PCCB: variants seen among roughly 807,000 people sequenced by gnomAD.
PCCB encodes the protein propionyl-CoA carboxylase beta chain, mitochondrial.
Under a neutral mutation model 60.7 loss-of-function variants are expected in PCCB, and 43 were observed. The observed-to-expected ratio is 0.71, with a 90% CI of 0.55 to 0.91. PCCB has a LOEUF of 0.91. Among genes scored for constraint, PCCB ranks in the 40% least tolerant of loss-of-function variants. The pLI is 0.00. For synonymous variants in PCCB, 276 were observed against 255.9 expected, an observed-to-expected ratio of 1.08 and a Z score of -0.75; for missense variants, 766 against 702.8, an observed-to-expected ratio of 1.09 and a Z score of -1.02.
At chr3:136,327,526 A>AG in intron 12 of PCCB, 108 bp from the exon 13 acceptor site, 1 of 854,228 alleles carries the variant, frequency 1.2e-6, no homozygotes, top group Non-Finnish European at 2.0e-6. Flanking sequence ...GGAGCCCAGT[A>AG]GGGCTATTCT....
At chr3:136,293,647 A>G in intron 6 of PCCB, 109 bp from the exon 7 acceptor site, 2 of 791,918 alleles carry the variant, frequency 2.5e-6, no homozygotes, top group Non-Finnish European at 4.5e-6. Context: ...ATCCTCATTC[A>G]GCCACGTCAC....
chr3:136,310,483 CG>C (rs1934620766), intron 9 of PCCB, among the ~76,000 whole-genome samples: 4 of 152,286 alleles, frequency 2.6e-5, no homozygotes, highest in Admixed American at 6.5e-5. Flanking sequence ...GTTTGTGCCA[CG>C]GCACTCTACC....
intron 5 of PCCB, among the ~76,000 whole-genome samples, chr3:136,264,440 G>GTGTATGTATA: frequency 8.1e-6 from 1 of 123,782 alleles, no homozygotes. Flanking sequence ...ATGTGTGTGT[G>GTGTATGTATA]TATATATGTA....
chr3:136,273,007 T>TA (rs1942240717), intron 5 of PCCB, among the ~76,000 whole-genome samples: 1 of 152,212 alleles, frequency 6.6e-6, no homozygotes, highest in Non-Finnish European at 1.5e-5. Flanking sequence ...CAGAGGTTTT[T>TA]ATAACTGTGT....
intron 9 of PCCB, among the ~76,000 whole-genome samples, chr3:136,315,766 TG>T (rs1335552322): frequency 6.6e-6 from 1 of 151,802 alleles, no homozygotes; most frequent in African/African-American, 2.4e-5. Flanking sequence ...AGGTTAAGGC[TG>T]CAGTGAGCTG....
intron 9 of PCCB, 89 bp downstream of exon 9, chr3:136,301,200 C>A: frequency 3.0e-6 from 3 of 1,015,558 alleles, no homozygotes; most frequent in Non-Finnish European, 4.7e-6. Flanking sequence ...CACTGGACCA[C>A]TTGGCCTCCA....
intron 7 of PCCB, 144 bp downstream of exon 7, chr3:136,294,008 C>A (rs1933821730): frequency 3.1e-6 from 2 of 646,820 alleles, no homozygotes; most frequent in African/African-American, 1.8e-5. Flanking sequence ...TTGTACTACA[C>A]TACAGTGTAT....
At chr3:136,260,007 C>T in intron 3 of PCCB, 1 of 231,246 alleles carries the variant, frequency 4.3e-6, no homozygotes, top group South Asian at 5.6e-5. Flanking sequence ...CTGCCTTGGC[C>T]TCTCAAAGTC....
chr3:136,293,233 C>T (rs1372715883), intron 6 of PCCB, among the ~76,000 whole-genome samples: 6 of 152,130 alleles, frequency 3.9e-5, no homozygotes, highest in African/African-American at 9.7e-5. Context: ...GAACTCCTGG[C>T]CTGAAGTGAT....
intron 3 of PCCB, among the ~76,000 whole-genome samples, chr3:136,258,322 G>C (rs1941730822): frequency 6.6e-6 from 1 of 152,154 alleles, no homozygotes; most frequent in Non-Finnish European, 1.5e-5. Flanking sequence ...TTTATAGGCA[G>C]AATGGCACAG....
At chr3:136,262,233 A>G (rs576741476) in intron 5 of PCCB, among the ~76,000 whole-genome samples, 168 bp downstream of exon 5, 8 of 152,296 alleles carry the variant, frequency 5.3e-5, no homozygotes, top group African/African-American at 1.9e-4. Context: ...ATGAAAAGCA[A>G]GAGAGAGTGG....
chr3:136,281,582 G>T (rs1277649160), intron 5 of PCCB, among the ~76,000 whole-genome samples: 1 of 152,020 alleles, frequency 6.6e-6, no homozygotes, highest in Non-Finnish European at 1.5e-5. Context: ...CAGTTCATGT[G>T]CCATCTTTGA....
intron 6 of PCCB, among the ~76,000 whole-genome samples, chr3:136,289,789 C>CTTTTTTTTT (rs147625921): frequency 0.14 from 19,544 of 141,166 alleles, 2,347 homozygotes; most frequent in African/African-American, 0.31. Context: ...ACATGTTATA[C>CTTTTTTTTT]TTTTTTTTTA....
Position 136,280,879 on chromosome 3 carries a change from CTT to C in PCCB, c.544-2957_544-2956del, listed in dbSNP as rs1425143100. ...ATATCGTCCAGGCTGGTCTCAAACT[CTT>C]GGCCTCAAGTGGTCCTCCTGCCTCA... On this transcript the variant is annotated intron_variant, in intron 5 of 14. Transcript: ENST00000251654. 2.6e-5 allele frequency among the ~76,000 whole-genome samples: 4 copies of C among 152,194 alleles called. No individual in the cohort carries two copies. In the East Asian group the frequency reaches 7.7e-4, roughly 29 times the overall value.
Position 136,256,602 on chromosome 3 carries a change from A to C in PCCB, c.351A>C (p.Arg117Ser), listed in dbSNP as rs1941676830. The C allele has an allele frequency of 6.2e-7, 1 of 1,612,148 alleles. No homozygotes were observed. Among genetic ancestry groups the C allele is most frequent in the Admixed American group, 1.7e-5 (1 of 59,976 alleles). Residue 117 changes from arginine to serine, a missense_variant, in exon 3 of 15, where the codon AGA (arginine) becomes AGC (serine). Transcript: ENST00000251654. The stretch of plus-strand genomic sequence containing the variant: ...CTGGACGAGGCCGAATCAATGGAAG[A>C]TTGGTTTATGTCTTCAGTCAGGTAT... ...VVTGRGRING[R>S]LVYVFSQDFT...
intron 8 of PCCB, among the ~76,000 whole-genome samples, chr3:136,299,913 T>A (rs145566440): frequency 1.3e-5 from 2 of 152,064 alleles, no homozygotes; most frequent in East Asian, 3.9e-4. Context: ...TGTATGCATG[T>A]ATATGTATGC....
At chr3:136,287,727 C>T (rs889246267) in intron 6 of PCCB, among the ~76,000 whole-genome samples, 2 of 152,276 alleles carry the variant, frequency 1.3e-5, no homozygotes, top group East Asian at 1.9e-4. Context: ...TGAGCCACTG[C>T]GCCCAGTTAT....
At chr3:136,268,093 T>C (rs61381365) in intron 5 of PCCB, among the ~76,000 whole-genome samples, 1 of 85,526 alleles carries the variant, frequency 1.2e-5, no homozygotes, top group Non-Finnish European at 2.1e-5. Flanking sequence ...TGTAGATATA[T>C]ATATATATAT....
At position 136,325,513 on chromosome 3, in the gene PCCB, C is replaced by T. The variant is rs143931914; in HGVS notation, c.1091-1290C>T. Among the ~76,000 whole-genome samples the T allele has an allele frequency of 7.2e-3, 1,092 of 151,824 alleles. 17 individuals carry two copies. The highest frequency in any genetic ancestry group is 0.025 in the African/African-American group (1,037 of 41,402). ...CTGGGAGTACAGGTGCCTGCAACCA[C>T]GCCTGGCTAATTTTTGTATTTTTTA... On this transcript the variant is annotated intron_variant, in intron 10 of 14. Coordinates refer to ENST00000251654, the MANE Select transcript of PCCB (RefSeq NM_000532.5).
Sources: gnomAD v4.1 joint callset for allele counts (sites outside exome capture counted in the v4.1 genomes callset) on GRCh38, gnomAD v4.1.1 for gene constraint, MANE v1.5 for transcripts, NCBI Gene and HGNC (gene_info 2026-07-23, HGNC 2026-07-21) for gene names.